ENOX1: variants seen among roughly 807,000 people sequenced by gnomAD.
ENOX1 encodes the protein candidate growth-related and time keeping constitutive hydroquinone (NADH) oxidase.
ENOX1 carries 42 observed loss-of-function variants against 82.5 expected under a neutral mutation model. That is an observed-to-expected ratio of 0.51 (90% confidence interval 0.40 to 0.66). The LOEUF (loss-of-function observed/expected upper bound fraction) is 0.66. ENOX1 is among the 30% of genes least tolerant of loss of function. The pLI is 0.00. For missense variants in ENOX1, 608 were observed against 811.6 expected (o/e 0.75, Z 3.05); for synonymous variants, 271 against 282.2 (o/e 0.96, Z 0.40).
intron 3 of ENOX1, among the ~76,000 whole-genome samples, chr13:43,477,840 T>G (rs2058349342): frequency 6.6e-6 from 1 of 152,176 alleles, no homozygotes; most frequent in South Asian, 2.1e-4. Flanking sequence ...CAAGTGTTGA[T>G]TAGCTGGGCA....
chr13:43,537,547 C>G (rs922371266), intron 2 of ENOX1, among the ~76,000 whole-genome samples: 1 of 152,190 alleles, frequency 6.6e-6, no homozygotes, highest in Non-Finnish European at 1.5e-5. Flanking sequence ...AGGAAACTTG[C>G]AGAAGTAATG....
intron 1 of ENOX1, among the ~76,000 whole-genome samples, chr13:43,703,641 A>G (rs998627331): frequency 6.6e-6 from 1 of 152,188 alleles, no homozygotes; most frequent in Non-Finnish European, 1.5e-5. Flanking sequence ...AAAGCAAAAT[A>G]TATAACAAAC....
intron 5 of ENOX1, among the ~76,000 whole-genome samples, chr13:43,383,850 C>A (rs962707633): frequency 6.6e-6 from 1 of 152,192 alleles, no homozygotes; most frequent in African/African-American, 2.4e-5. Context: ...TTCTGGACAC[C>A]ACCCTGCAGG....
At chr13:43,717,061 C>CA (rs1026473727) in intron 1 of ENOX1, among the ~76,000 whole-genome samples, 6 of 151,528 alleles carry the variant, frequency 4.0e-5, no homozygotes, top group Non-Finnish European at 7.4e-5. Context: ...CATGTGGAAC[C>CA]AAAAAAAAGC....
At chr13:43,306,217 A>G (rs777241578) in intron 11 of ENOX1, among the ~76,000 whole-genome samples, 1 of 152,212 alleles carries the variant, frequency 6.6e-6, no homozygotes, top group Non-Finnish European at 1.5e-5. Context: ...CTGCTTTACC[A>G]AAAGATTCGG....
chr13:43,492,104 A>T (rs1450314771), intron 2 of ENOX1, among the ~76,000 whole-genome samples: 2 of 152,202 alleles, frequency 1.3e-5, no homozygotes, highest in Non-Finnish European at 2.9e-5. Context: ...CTACTTTGTG[A>T]ACCACCCTAT....
At chr13:43,670,587 C>T (rs1158902330) in intron 1 of ENOX1, among the ~76,000 whole-genome samples, 1 of 152,166 alleles carries the variant, frequency 6.6e-6, no homozygotes, top group Non-Finnish European at 1.5e-5. Flanking sequence ...GGAGCGGTGG[C>T]TCATGCCTGT....
intron 1 of ENOX1, among the ~76,000 whole-genome samples, chr13:43,714,743 CT>C (rs985055964): frequency 2.6e-5 from 4 of 151,984 alleles, no homozygotes; most frequent in African/African-American, 7.2e-5. Flanking sequence ...CAACCCCTGC[CT>C]TTTTTTGTTT....
chr13:43,557,730 C>T (rs1307293040), intron 2 of ENOX1, among the ~76,000 whole-genome samples: 2 of 152,092 alleles, frequency 1.3e-5, no homozygotes, highest in Non-Finnish European at 2.9e-5. Context: ...CCCAGGCATT[C>T]GAGGTTGCAG....
At chr13:43,230,975 C>T (rs1026201993) in intron 15 of ENOX1, among the ~76,000 whole-genome samples, 1 of 152,216 alleles carries the variant, frequency 6.6e-6, no homozygotes, top group African/African-American at 2.4e-5. Context: ...TCCAAACTCT[C>T]TGTGTCAGGT....
At chr13:43,468,300 G>A (rs933253548) in intron 3 of ENOX1, among the ~76,000 whole-genome samples, 2 of 151,748 alleles carry the variant, frequency 1.3e-5, no homozygotes, top group African/African-American at 2.4e-5. Context: ...TCCTGCCTCA[G>A]TCTCCTAAAT....
intron 2 of ENOX1, among the ~76,000 whole-genome samples, chr13:43,560,392 A>G (rs1318998703): frequency 1.3e-5 from 2 of 152,186 alleles, no homozygotes; most frequent in Non-Finnish European, 2.9e-5. Context: ...ACTCCTTCCA[A>G]CAGAGTAACA....
intron 2 of ENOX1, among the ~76,000 whole-genome samples, chr13:43,539,201 C>T (rs913316058): frequency 1.3e-5 from 2 of 152,132 alleles, no homozygotes; most frequent in African/African-American, 2.4e-5. Context: ...CTGCTCTCCT[C>T]GTTACTTTCC....
chr13:43,773,597 C>A (rs762027608), intron 1 of ENOX1, among the ~76,000 whole-genome samples: 1 of 152,224 alleles, frequency 6.6e-6, no homozygotes. Flanking sequence ...TTGGGACTCT[C>A]ACCTGGATAA....
At chr13:43,473,540 G>C (rs950507060) in intron 3 of ENOX1, among the ~76,000 whole-genome samples, 1 of 152,130 alleles carries the variant, frequency 6.6e-6, no homozygotes, top group African/African-American at 2.4e-5. Flanking sequence ...TTTTAGGAAA[G>C]AACTTCAAAA....
chr13:43,414,595 T>A (rs2054331405), intron 3 of ENOX1, among the ~76,000 whole-genome samples: 1 of 152,190 alleles, frequency 6.6e-6, no homozygotes. Flanking sequence ...TACGATGAAA[T>A]CTCAAAGCAC....
chr13:43,374,767 GA>G (rs2051502085), intron 5 of ENOX1, among the ~76,000 whole-genome samples: 1 of 152,152 alleles, frequency 6.6e-6, no homozygotes, highest in African/African-American at 2.4e-5. Flanking sequence ...CTCCACAGAT[GA>G]AAAAGGAAGT....
At chr13:43,495,004 A>G (rs901562705) in intron 2 of ENOX1, among the ~76,000 whole-genome samples, 4 of 152,128 alleles carry the variant, frequency 2.6e-5, no homozygotes, top group African/African-American at 9.7e-5. Flanking sequence ...GAGATTCAAG[A>G]GGGGAGCTGG....
intron 2 of ENOX1, among the ~76,000 whole-genome samples, chr13:43,636,844 A>G (rs1355593743): frequency 6.6e-6 from 1 of 152,152 alleles, no homozygotes; most frequent in Non-Finnish European, 1.5e-5. Flanking sequence ...CACTAAGGAA[A>G]AGGGAGGGAG....
Sources: allele counts gnomAD v4.1 joint callset (sites outside exome capture counted in the v4.1 genomes callset), GRCh38; gene constraint gnomAD v4.1.1; transcripts MANE v1.5; gene names NCBI Gene and HGNC (gene_info 2026-07-23, HGNC 2026-07-21).